SLC6A5: variants seen among roughly 807,000 people sequenced by gnomAD.
SLC6A5 encodes sodium- and chloride-dependent glycine transporter 2.
Under a neutral mutation model 90.5 loss-of-function variants are expected in SLC6A5, and 58 were observed. The ratio of observed to expected loss-of-function variants is 0.64; its 90% CI spans 0.52 to 0.80. The LOEUF (loss-of-function observed/expected upper bound fraction) is 0.80, where lower values mean the gene tolerates loss of function less well. Among genes scored for constraint, SLC6A5 ranks in the 30% least tolerant of loss-of-function variants. The pLI is 0.00. For missense variants in SLC6A5, 1,015 were observed against 1,017.6 expected (o/e 1.00, Z 0.03); for synonymous variants, 427 against 401.4 (o/e 1.06, Z -0.76).
chr11:20,609,090 G>A lies in SLC6A5; in HGVS notation c.985+1438G>A, dbSNP rs79327210. On this transcript the variant is annotated intron_variant, in intron 5 of 15. Coordinates refer to ENST00000525748, the MANE Select transcript of SLC6A5 (RefSeq NM_004211.5). The stretch of plus-strand genomic sequence containing the variant: ...CTGGCTTCCAGTCTGGCTCACCATC[G>A]CCTGGGAGACATGAAAGGCAGAGCA... 6.7e-4 allele frequency among the ~76,000 whole-genome samples: 102 copies of A among 151,978 alleles called. 2 individuals are homozygous for A. The East Asian group carries it at 0.016, about 24-fold the overall frequency.
At chr11:20,608,965 T>TGC (rs1450605101) in intron 5 of SLC6A5, among the ~76,000 whole-genome samples, 6 of 82,232 alleles carry the variant, frequency 7.3e-5, no homozygotes, top group African/African-American at 1.9e-4. Context: ...TCTCTGTGTG[T>TGC]GTGTGTGTGT....
chr11:20,635,837 A>G (rs1211320453), intron 10 of SLC6A5, among the ~76,000 whole-genome samples: 1 of 152,170 alleles, frequency 6.6e-6, no homozygotes, highest in Non-Finnish European at 1.5e-5. Flanking sequence ...ACTAGATGCC[A>G]GTAGTTATCC....
rs1022273201 is a variant in SLC6A5 at position 20,624,789 on chromosome 11, C to A, written c.1261-1919C>A. 2.6e-5 allele frequency among the ~76,000 whole-genome samples: 4 copies of A among 152,168 alleles called. No individual in the cohort carries two copies. The East Asian group carries it at 7.7e-4, about 29-fold the overall frequency. Reference sequence around the variant, plus strand: ...GTCTTTTAATGCACTTTTAATGTAGCCTACCTGTGAGTCGAGCGCTGTCAG... The same window carrying A: ...GTCTTTTAATGCACTTTTAATGTAGACTACCTGTGAGTCGAGCGCTGTCAG... On this transcript the variant is annotated intron_variant, in intron 7 of 15. Coordinates refer to ENST00000525748, the MANE Select transcript of SLC6A5 (RefSeq NM_004211.5).
Position 20,607,104 on chromosome 11 carries a change from A to T in SLC6A5, c.777A>T (p.Pro259=), listed in dbSNP as rs34505618. The T allele has an allele frequency of 3.1e-6, 5 of 1,613,856 alleles. No individual in the cohort carries two copies. In the African/African-American group the frequency reaches 6.7e-5, roughly 22 times the overall value. ...TGGGCCAGTTTGCCAGCCAGGGACC[A>T]GTGTCTGTGTGGAAGGCCATCCCAG... ...VSLGQFASQG[P]VSVWKAIPAL... The change falls in exon 4 of 16, where the codon CCA becomes CCT. Residue 259 remains proline (P), a synonymous_variant. Coordinates refer to ENST00000525748, the MANE Select transcript of SLC6A5 (RefSeq NM_004211.5).
At chr11:20,633,834 C>T (rs1853151517) in intron 10 of SLC6A5, among the ~76,000 whole-genome samples, 1 of 152,144 alleles carries the variant, frequency 6.6e-6, no homozygotes, top group Non-Finnish European at 1.5e-5. Flanking sequence ...GAACAAGTGA[C>T]CCCCTAAGTC....
chr11:20,611,417 T>C (rs939091666), intron 5 of SLC6A5, among the ~76,000 whole-genome samples: 1 of 152,224 alleles, frequency 6.6e-6, no homozygotes, highest in Admixed American at 6.5e-5. Flanking sequence ...ATTGTGCCAC[T>C]GCACCCTAGC....
chr11:20,645,933 C>A (rs1034593166), intron 13 of SLC6A5, among the ~76,000 whole-genome samples: 3 of 152,128 alleles, frequency 2.0e-5, no homozygotes, highest in Admixed American at 6.6e-5. Flanking sequence ...CCACGCCCGG[C>A]CAGAATGATG....
chr11:20,604,464 G>A (rs954198634), intron 3 of SLC6A5, 40 bp downstream of exon 3: 3 of 1,606,820 alleles, frequency 1.9e-6, no homozygotes, highest in Non-Finnish European at 2.5e-6. Flanking sequence ...GCGGGGCGGG[G>A]CGGGCACCTG....
Position 20,614,754 on chromosome 11 carries a change from T to C in SLC6A5, c.1061T>C (p.Val354Ala). Reference protein sequence around the residue: ...STFCMTAYPNVTMVNFTSQAN... With the variant: ...STFCMTAYPNATMVNFTSQAN... ...TTCTGCATGACCGCTTATCCCAACGTGACAATGGTTAATTTCACCAGCCAG... is the reference window on the plus strand; with the variant it reads ...TTCTGCATGACCGCTTATCCCAACGCGACAATGGTTAATTTCACCAGCCAG... Residue 354 changes from valine (V) to alanine (A), a missense_variant, in exon 6 of 16, where the codon GTG becomes GCG. Val to Ala is a moderately conservative substitution (Grantham distance 64). Around this residue, in one of 3 missense-constraint regions of SLC6A5, gnomAD observed 567 missense variants for 507.3 expected, o/e 1.12. Transcript: ENST00000525748. The C allele has an allele frequency of 6.2e-7, 1 of 1,613,996 alleles. No individual in the cohort carries two copies. The highest frequency in any genetic ancestry group is 8.5e-7 in the Non-Finnish European group (1 of 1,179,818).
chr11:20,632,212 G>A (rs962280784), intron 10 of SLC6A5, among the ~76,000 whole-genome samples: 3 of 152,152 alleles, frequency 2.0e-5, no homozygotes, highest in African/African-American at 4.8e-5. Flanking sequence ...AGTGGTTGGA[G>A]CAGATAGGTT....
chr11:20,631,457 G>C (rs1028648956), intron 10 of SLC6A5, among the ~76,000 whole-genome samples: 3 of 152,150 alleles, frequency 2.0e-5, no homozygotes, highest in African/African-American at 7.2e-5. Context: ...ACATTTGTAT[G>C]GTGCTTTCAA....
chr11:20,634,982 T>C (rs1403023759), intron 10 of SLC6A5, among the ~76,000 whole-genome samples: 2 of 152,124 alleles, frequency 1.3e-5, no homozygotes, highest in African/African-American at 2.4e-5. Context: ...TACAGTAATC[T>C]TCCCAGTGAG....
chr11:20,605,175 G>A (rs1038601443), intron 3 of SLC6A5, among the ~76,000 whole-genome samples: 9 of 152,122 alleles, frequency 5.9e-5, no homozygotes, highest in African/African-American at 2.2e-4. Context: ...TTTGGGTGCC[G>A]CGGGGCCGGC....
In SLC6A5 at chr11:20,646,810, T is replaced by C. The variant is rs1192575668; in HGVS notation, c.1970-24T>C. On this transcript the variant is annotated intron_variant, in intron 13 of 15. Transcript: ENST00000525748. ...CCTTCCTGCTACTGTGCCTTATACC[T>C]GTTCTCTGCTTGTCTATTTGCAGGC... The C allele has an allele frequency of 2.0e-6, 3 of 1,531,400 alleles. No homozygotes were observed. The Admixed American group carries it at 5.0e-5, about 26-fold the overall frequency. 94.9% of individuals were successfully genotyped at this position (1,531,400 alleles called of 1,614,324 possible). A position where few individuals can be genotyped will look rare whatever the true frequency, so the allele number is the denominator to read the frequency against.
At chr11:20,644,797 A>AT (rs1049273125) in intron 13 of SLC6A5, among the ~76,000 whole-genome samples, 1 of 150,916 alleles carries the variant, frequency 6.6e-6, no homozygotes, top group Non-Finnish European at 1.5e-5. Flanking sequence ...CAGCAGGGCC[A>AT]TTTTTTTCTT....
chr11:20,611,662 T>C (rs1852695799), intron 5 of SLC6A5, among the ~76,000 whole-genome samples: 1 of 152,110 alleles, frequency 6.6e-6, no homozygotes, highest in African/African-American at 2.4e-5. Flanking sequence ...CCTCTTTCTC[T>C]GCTGCAACGC....
rs1157707112 is a variant in SLC6A5, at chr11:20,645,788, G to A, written c.1970-1046G>A. The stretch of plus-strand genomic sequence containing the variant: ...CGAGTACCTGGGACTCTAGGCGCCC[G>A]CCACGATGCCCAGCTTTTCTGTATT... On this transcript the variant is annotated intron_variant, in intron 13 of 15. Coordinates refer to ENST00000525748, the MANE Select transcript of SLC6A5 (RefSeq NM_004211.5). 2.6e-5 allele frequency among the ~76,000 whole-genome samples: 4 copies of A among 151,920 alleles called. No individual in the cohort carries two copies. In the East Asian group the frequency reaches 7.7e-4, roughly 29 times the overall value.
chr11:20,619,723 G>A (rs189817193), intron 7 of SLC6A5, among the ~76,000 whole-genome samples: 6 of 152,258 alleles, frequency 3.9e-5, no homozygotes, highest in Admixed American at 3.3e-4. Flanking sequence ...ATTGGACTGG[G>A]TGATGTCTAA....
In SLC6A5 at chr11:20,614,740, C is replaced by A. The variant is rs149532917; in HGVS notation, c.1047C>A (p.Thr349=). 6.2e-7 allele frequency: 1 copy of A among 1,613,720 alleles called. No homozygotes were observed. The highest frequency in any genetic ancestry group is 8.5e-7 in the Non-Finnish European group (1 of 1,179,598). ...IQIKNSTFCM[T]AYPNVTMVNF... The stretch of plus-strand genomic sequence containing the variant: ...TCAAGAACTCGACTTTCTGCATGAC[C>A]GCTTATCCCAACGTGACAATGGTTA... Residue 349 remains threonine, a synonymous_variant, in exon 6 of 16, where the codon ACC becomes ACA. Transcript: ENST00000525748.
Sources: gnomAD v4.1 joint callset for allele counts (sites outside exome capture counted in the v4.1 genomes callset) on GRCh38, gnomAD v4.1.1 for gene constraint, gnomAD v4.1.1 regional missense constraint, MANE v1.5 for transcripts, NCBI Gene and HGNC (gene_info 2026-07-23, HGNC 2026-07-21) for gene names.